The following ZZEF1 variants were observed in gnomAD, a reference collection of about 807,000 sequenced individuals.
The protein encoded by ZZEF1 is zinc finger ZZ-type and EF-hand domain containing 1, also known as zinc finger ZZ-type and EF-hand domain-containing protein 1.
A neutral mutation model predicts 342.8 loss-of-function variants in ZZEF1; 157 were observed. The observed-to-expected ratio is 0.46, with a 90% CI of 0.40 to 0.52. ZZEF1 has a LOEUF of 0.52. ZZEF1 is among the 20% of genes least tolerant of loss of function. The pLI, the probability that ZZEF1 is intolerant of heterozygous loss-of-function variation, is 0.00. For missense variants in ZZEF1, 3,480 were observed against 3,725.6 expected (o/e 0.93, Z 1.72); for synonymous variants, 1,505 against 1,429.1 (o/e 1.05, Z -1.20).
At chr17:4,046,486 A>C (rs1443385126) in intron 37 of ZZEF1, among the ~76,000 whole-genome samples, 4 of 152,224 alleles carry the variant, frequency 2.6e-5, no homozygotes, top group African/African-American at 4.8e-5. Context: ...TTTGGGGCCA[A>C]AGGTGGAGTG....
intron 18 of ZZEF1, among the ~76,000 whole-genome samples, chr17:4,081,097 G>C (rs1047301194): frequency 6.6e-6 from 1 of 152,044 alleles, no homozygotes; most frequent in African/African-American, 2.4e-5. Context: ...AATTAGCTGG[G>C]CGTGGTGGCG....
Position 4,024,957 on chromosome 17 carries a change from G to C in ZZEF1, c.7054C>G (p.Leu2352Val), listed in dbSNP as rs1567770965. 1.2e-6 allele frequency: 2 copies of C among 1,614,188 alleles called. No individual in the cohort carries two copies. ...CPEAVEATWV[L>V]SLALKGLYKT... The stretch of plus-strand genomic sequence containing the variant: ...TACAATCCTTTCAGGGCCAGGGACA[G>C]GACCCAAGTTGCTTCTACTGCCTCG... The change falls in exon 43 of 55, where the codon CTG (leucine) becomes GTG (valine). Residue 2352 changes from leucine (L) to valine (V), a missense_variant. Physicochemically the swap from Leu to Val is conservative, Grantham distance 32. This residue lies in a region of ZZEF1 where 1,269 missense variants were observed against 1,342.4 expected (regional missense o/e 0.95). Coordinates refer to ENST00000381638, the MANE Select transcript of ZZEF1 (RefSeq NM_015113.4).
At position 4,009,801 on chromosome 17, in the gene ZZEF1, G is replaced by C. The variant is rs376665916; in HGVS notation, c.8580-44C>G. Reference sequence around the variant, plus strand: ...AGGTGGTCAGTTTACTGAGAGCCATGCCAAGGTCACATGGCTTACAGCTGG... The same window carrying C: ...AGGTGGTCAGTTTACTGAGAGCCATCCCAAGGTCACATGGCTTACAGCTGG... On this transcript the variant is annotated intron_variant, in intron 52 of 54. Coordinates refer to ENST00000381638, the MANE Select transcript of ZZEF1 (RefSeq NM_015113.4). The C allele has an allele frequency of 2.5e-6, 4 of 1,599,136 alleles. No individual in the cohort carries two copies. In the African/African-American group the frequency reaches 5.4e-5, roughly 21 times the overall value.
chr17:4,101,071 G>C (rs977353828), intron 9 of ZZEF1, among the ~76,000 whole-genome samples: 4 of 152,156 alleles, frequency 2.6e-5, no homozygotes, highest in African/African-American at 7.2e-5. Context: ...TGTGGCTGGA[G>C]ATGGATGTGG....
chr17:4,124,161 T>G, intron 1 of ZZEF1, 110 bp from the exon 2 acceptor site: 1 of 1,376,540 alleles, frequency 7.3e-7, no homozygotes. Flanking sequence ...TATTTTTGGT[T>G]GCAGAGAGAA....
At chr17:4,085,269 G>A (rs892675687) in intron 16 of ZZEF1, among the ~76,000 whole-genome samples, 43 of 152,242 alleles carry the variant, frequency 2.8e-4, no homozygotes, top group African/African-American at 9.9e-4. Flanking sequence ...CAAGATTAGC[G>A]TGAATTTATG....
chr17:4,037,076 G>A (rs1202558172), intron 39 of ZZEF1, among the ~76,000 whole-genome samples: 1 of 152,096 alleles, frequency 6.6e-6, no homozygotes, highest in Non-Finnish European at 1.5e-5. Context: ...GTTCCCACTG[G>A]TCAAAATAAG....
intron 54 of ZZEF1, among the ~76,000 whole-genome samples, chr17:4,007,453 G>T (rs1008480036): frequency 1.3e-5 from 2 of 152,160 alleles, no homozygotes; most frequent in African/African-American, 4.8e-5. Flanking sequence ...GGGTTGGCAG[G>T]GAGACGTGTC....
chr17:4,027,014 A>G (rs945461996), intron 42 of ZZEF1, among the ~76,000 whole-genome samples: 1 of 152,230 alleles, frequency 6.6e-6, no homozygotes, highest in African/African-American at 2.4e-5. Context: ...CAAAACTAAA[A>G]AAGATCCCAG....
At chr17:4,120,284 G>A (rs1789352143) in intron 2 of ZZEF1, among the ~76,000 whole-genome samples, 1 of 151,856 alleles carries the variant, frequency 6.6e-6, no homozygotes, top group African/African-American at 2.4e-5. Flanking sequence ...TTGAATCCGG[G>A]AGGCAGAAGT....
rs749781459 is a variant in ZZEF1, at chr17:4,104,613, C to G, written c.1573+20G>C. 3.1e-6 allele frequency: 5 copies of G among 1,611,952 alleles called. No individual in the cohort carries two copies. The highest frequency in any genetic ancestry group is 4.2e-6 in the Non-Finnish European group (5 of 1,179,224). On this transcript the variant is annotated intron_variant, in intron 8 of 54. Transcript: ENST00000381638. ...TCCACTGTTGACATTTCTATCACCC[C>G]CATGTTTTACCATATTTACCATATT...
At position 4,017,335 on chromosome 17, in the gene ZZEF1, C is replaced by T; in HGVS notation, c.8001+36G>A. The T allele has an allele frequency of 1.3e-6, 2 of 1,549,918 alleles. No individual in the cohort carries two copies. The highest frequency in any genetic ancestry group is 1.7e-6 in the Non-Finnish European group (2 of 1,146,672). The stretch of plus-strand genomic sequence containing the variant: ...GAAGCCTGTGGGGCAGAGGAAGAAC[C>T]TGGTGGGTGAGCACAAGCTCAGTCT... On this transcript the variant is annotated intron_variant, in intron 48 of 54. Coordinates refer to ENST00000381638, the MANE Select transcript of ZZEF1 (RefSeq NM_015113.4). The surrounding 1 kb of genome is among the most constrained non-coding windows in gnomAD (Gnocchi z 5.1).
intron 37 of ZZEF1, among the ~76,000 whole-genome samples, chr17:4,045,776 G>A (rs2056899790): frequency 6.6e-6 from 1 of 151,858 alleles, no homozygotes; most frequent in African/African-American, 2.4e-5. Flanking sequence ...CTTTCTACCA[G>A]GTTTTAGCAT....
chr17:4,032,202 A>T lies in ZZEF1; in HGVS notation c.6816T>A (p.Asn2272Lys). ...VYMDNANEPH[N>K]VIILKHFTEK... The stretch of plus-strand genomic sequence containing the variant: ...CAGTAAAGTGCTTCAAGATGATCAC[A>T]TTATGGGGTTCATTGGCATTATCCA... The change falls in exon 42 of 55, where the codon AAT becomes AAA. Residue 2272 changes from asparagine (N) to lysine (K), a missense_variant. By Grantham distance (94) the Asn-to-Lys change is moderately conservative. Coordinates refer to ENST00000381638, the MANE Select transcript of ZZEF1 (RefSeq NM_015113.4). The T allele has an allele frequency of 6.2e-7, 1 of 1,614,142 alleles. No individual in the cohort carries two copies. The highest frequency in any genetic ancestry group is 1.7e-5 in the Admixed American group (1 of 60,012).
At chr17:4,075,242 G>A (rs770019602) in intron 22 of ZZEF1, 21 bp downstream of exon 22, 2 of 1,613,604 alleles carry the variant, frequency 1.2e-6, no homozygotes, top group Non-Finnish European at 8.5e-7. Context: ...GCTTGGGGGT[G>A]AAAGAATATA....
rs552128863 is a variant in ZZEF1 at position 4,045,743 on chromosome 17, T to C, written c.6016-1369A>G. Among the ~76,000 whole-genome samples, 213 of 152,216 alleles carry C rather than the reference T, an allele frequency of 1.4e-3. 1 individual carries two copies. Among genetic ancestry groups the C allele is most frequent in the African/African-American group, 4.8e-3 (200 of 41,544 alleles). On this transcript the variant is annotated intron_variant, in intron 37 of 54. Transcript: ENST00000381638. ...TTGATCAAACAAAACCGGATGCTAC[T>C]CCTAAACCTAACTAATCACACCCTT...
intron 1 of ZZEF1, among the ~76,000 whole-genome samples, chr17:4,126,044 G>A (rs904642371): frequency 2.6e-5 from 4 of 151,938 alleles, no homozygotes; most frequent in Non-Finnish European, 5.9e-5. Flanking sequence ...GGCAAAGATG[G>A]TGAAACCCCG....
At chr17:4,011,488 G>A (rs2055955570) in intron 52 of ZZEF1, among the ~76,000 whole-genome samples, 1 of 151,894 alleles carries the variant, frequency 6.6e-6, no homozygotes, top group East Asian at 1.9e-4. Flanking sequence ...GGTTGCTCAG[G>A]CAGAAAGCTT....
intron 34 of ZZEF1, among the ~76,000 whole-genome samples, chr17:4,052,867 G>A (rs892498261): frequency 8.3e-5 from 12 of 144,692 alleles, no homozygotes; most frequent in Admixed American, 4.7e-4. Flanking sequence ...ACTTTGTCTC[G>A]GGAGGGCGGC....
Sources: gnomAD v4.1 joint callset for allele counts (sites outside exome capture counted in the v4.1 genomes callset) on GRCh38, gnomAD v4.1.1 for gene constraint, gnomAD v4.1.1 regional missense constraint, Gnocchi (gnomAD v3.1) non-coding constraint, MANE v1.5 for transcripts, NCBI Gene and HGNC (gene_info 2026-07-23, HGNC 2026-07-21) for gene names.